The following GALNTL6 variants were observed in gnomAD, a reference collection of about 807,000 sequenced individuals.
The protein encoded by GALNTL6 is polypeptide N-acetylgalactosaminyltransferase-like 6.
In GALNTL6, 46 loss-of-function variants were observed where a neutral mutation model predicts 73.7. That is an observed-to-expected ratio of 0.62 (90% CI 0.49 to 0.80). The LOEUF (loss-of-function observed/expected upper bound fraction) is 0.80, where lower values mean the gene tolerates loss of function less well. Ranked by LOEUF, GALNTL6 falls within the 30% of genes least tolerant of loss-of-function variation. The pLI is 0.00. For synonymous variants in GALNTL6, 259 were observed against 263.7 expected, an observed-to-expected ratio of 0.98 and a Z score of 0.17; for missense variants, 604 against 755.0, an observed-to-expected ratio of 0.80 and a Z score of 2.34.
At chr4:172,342,364 G>A (rs961699319) in intron 4 of GALNTL6, among the ~76,000 whole-genome samples, 13 of 152,088 alleles carry the variant, frequency 8.5e-5, no homozygotes, top group South Asian at 2.1e-4. Context: ...ATTCTTATTC[G>A]TTGCTCGTGT....
intron 5 of GALNTL6, among the ~76,000 whole-genome samples, chr4:172,709,362 T>A (rs1284247799): frequency 1.3e-5 from 2 of 152,226 alleles, no homozygotes; most frequent in Non-Finnish European, 2.9e-5. Flanking sequence ...TAATGCATTT[T>A]AGCCAGTTGA....
intron 5 of GALNTL6, among the ~76,000 whole-genome samples, chr4:172,712,443 T>G (rs1457895735): frequency 1.3e-5 from 2 of 151,748 alleles, no homozygotes; most frequent in Non-Finnish European, 2.9e-5. Context: ...CCCTCCCCAC[T>G]CCCCCCACCT....
At chr4:172,739,658 C>G (rs558302314) in intron 5 of GALNTL6, among the ~76,000 whole-genome samples, 1 of 151,850 alleles carries the variant, frequency 6.6e-6, no homozygotes, top group East Asian at 1.9e-4. Context: ...TTGATAGTAC[C>G]CAGGATGTAA....
intron 5 of GALNTL6, among the ~76,000 whole-genome samples, chr4:172,740,088 G>A (rs977783482): frequency 6.6e-5 from 10 of 151,954 alleles, no homozygotes; most frequent in Middle Eastern, 3.4e-3. Context: ...ATCTCGTACC[G>A]TGTTTTCTGC....
At chr4:172,245,845 A>G (rs1420260868) in intron 3 of GALNTL6, among the ~76,000 whole-genome samples, 1 of 152,164 alleles carries the variant, frequency 6.6e-6, no homozygotes, top group African/African-American at 2.4e-5. Flanking sequence ...CTTTCCAGAG[A>G]CTGACTTCAG....
chr4:172,218,061 G>A (rs1736550872), intron 2 of GALNTL6, among the ~76,000 whole-genome samples: 1 of 151,964 alleles, frequency 6.6e-6, no homozygotes, highest in Non-Finnish European at 1.5e-5. Context: ...TGATGGGAAG[G>A]GATGGGGGAG....
At chr4:172,181,237 G>A (rs1483862610) in intron 2 of GALNTL6, among the ~76,000 whole-genome samples, 1 of 152,130 alleles carries the variant, frequency 6.6e-6, no homozygotes, top group Non-Finnish European at 1.5e-5. Context: ...CTGGTAAACT[G>A]AATCCAGCAG....
chr4:172,333,505 G>A (rs1741204331), intron 4 of GALNTL6, among the ~76,000 whole-genome samples: 1 of 152,124 alleles, frequency 6.6e-6, no homozygotes, highest in Non-Finnish European at 1.5e-5. Flanking sequence ...TTTTTGTTGA[G>A]TTGAGTTCCT....
chr4:172,670,055 T>C (rs142013974), intron 5 of GALNTL6, among the ~76,000 whole-genome samples: 1 of 152,238 alleles, frequency 6.6e-6, no homozygotes, highest in Non-Finnish European at 1.5e-5. Flanking sequence ...ACATTTTCTT[T>C]ACGCAGTTTA....
chr4:172,627,002 G>T (rs995788202), intron 5 of GALNTL6, among the ~76,000 whole-genome samples: 1 of 152,070 alleles, frequency 6.6e-6, no homozygotes, highest in African/African-American at 2.4e-5. Flanking sequence ...TCTCTTGCCT[G>T]ATTGCTTTGG....
At chr4:171,967,456 T>TGTTTGTTTTTTTTTTTTTTTTTTTA (rs1560863203) in intron 2 of GALNTL6, among the ~76,000 whole-genome samples, 1 of 140,708 alleles carries the variant, frequency 7.1e-6, no homozygotes. Context: ...GGTTTTTTTT[T>TGTTTGTTTTTTTTTTTTTTTTTTTA]TTTTTTTTTG....
At chr4:172,633,275 G>A (rs1248780545) in intron 5 of GALNTL6, among the ~76,000 whole-genome samples, 1 of 152,134 alleles carries the variant, frequency 6.6e-6, no homozygotes, top group Non-Finnish European at 1.5e-5. Context: ...GCTGAGAGGG[G>A]GGCTATACCC....
chr4:172,221,650 A>C (rs1355596701), intron 2 of GALNTL6, among the ~76,000 whole-genome samples: 1 of 151,794 alleles, frequency 6.6e-6, no homozygotes, highest in East Asian at 1.9e-4. Flanking sequence ...TTTTTGTAGG[A>C]TGCTGATCTT....
chr4:172,650,894 C>T lies in GALNTL6; in HGVS notation c.554-158467C>T, dbSNP rs114968703. ...TGAAAAGTTTTCCTAAAGACTACAGCATGTAAGAAAGCATGATATCATAAT... is the reference window on the plus strand; with the variant it reads ...TGAAAAGTTTTCCTAAAGACTACAGTATGTAAGAAAGCATGATATCATAAT... On this transcript the variant is annotated intron_variant, in intron 5 of 12. Transcript: ENST00000506823. Among the ~76,000 whole-genome samples, 700 of 152,126 alleles carry T rather than the reference C, an allele frequency of 4.6e-3. 3 individuals carry two copies. Among genetic ancestry groups the T allele is most frequent in the African/African-American group, 0.016 (659 of 41,504 alleles).
At chr4:173,037,417 C>T (rs1349304130) in intron 12 of GALNTL6, among the ~76,000 whole-genome samples, 2 of 152,104 alleles carry the variant, frequency 1.3e-5, no homozygotes, top group African/African-American at 4.8e-5. Context: ...ACATGAAGTA[C>T]AAGAACAGAA....
chr4:172,865,346 A>G (rs1009146091), intron 7 of GALNTL6, among the ~76,000 whole-genome samples: 1 of 152,222 alleles, frequency 6.6e-6, no homozygotes, highest in African/African-American at 2.4e-5. Context: ...AGTCCCATGC[A>G]CAGCACCACA....
At chr4:172,360,876 G>A (rs936724708) in intron 5 of GALNTL6, among the ~76,000 whole-genome samples, 3 of 152,178 alleles carry the variant, frequency 2.0e-5, no homozygotes, top group African/African-American at 7.2e-5. Flanking sequence ...AGTCTAATGT[G>A]TGAAATATTG....
At chr4:172,228,437 A>G (rs2110964594) in intron 2 of GALNTL6, among the ~76,000 whole-genome samples, 1 of 152,224 alleles carries the variant, frequency 6.6e-6, no homozygotes, top group South Asian at 2.1e-4. Context: ...TTTTTAAGAA[A>G]AGAATATTAT....
intron 2 of GALNTL6, among the ~76,000 whole-genome samples, chr4:172,229,218 A>G (rs1376285234): frequency 6.6e-6 from 1 of 152,222 alleles, no homozygotes; most frequent in Admixed American, 6.5e-5. Flanking sequence ...TGAGCATTCA[A>G]TGAATGGTTG....
Sources: allele counts gnomAD v4.1 joint callset (sites outside exome capture counted in the v4.1 genomes callset), GRCh38; gene constraint gnomAD v4.1.1; transcripts MANE v1.5; gene names NCBI Gene and HGNC (gene_info 2026-07-23, HGNC 2026-07-21).